CCDC85C: variants seen among roughly 807,000 people sequenced by gnomAD.
The protein encoded by CCDC85C is coiled-coil domain containing 85C.
A neutral mutation model predicts 38.3 loss-of-function variants in CCDC85C; 18 were observed. The ratio of observed to expected loss-of-function variants is 0.47; its 90% CI spans 0.33 to 0.70. The LOEUF (loss-of-function observed/expected upper bound fraction) is 0.70, where lower values mean the gene tolerates loss of function less well. CCDC85C is among the 30% of genes least tolerant of loss of function. CCDC85C has a pLI of 0.03. For synonymous variants in CCDC85C, 264 were observed against 293.8 expected (o/e 0.90, Z 1.04); for missense variants, 566 against 621.2 (o/e 0.91, Z 0.94).
At chr14:99,565,077 T>C (rs1364873794) in intron 1 of CCDC85C, among the ~76,000 whole-genome samples, 1 of 152,118 alleles carries the variant, frequency 6.6e-6, no homozygotes, top group Non-Finnish European at 1.5e-5. Context: ...CACTTGGCTT[T>C]TAGTCATGGG....
In CCDC85C at chr14:99,534,916, G is replaced by A. The variant is rs577336438; in HGVS notation, c.867+1099C>T. 1,419 of 584,406 alleles carry A rather than the reference G, an allele frequency of 2.4e-3. 9 individuals carry two copies. The highest frequency in any genetic ancestry group is 0.023 in the African/African-American group (1,218 of 52,104). 36.2% of individuals were successfully genotyped at this position (584,406 alleles called of 1,614,324 possible). On this transcript the variant is annotated intron_variant, in intron 2 of 5. Coordinates refer to ENST00000380243, the MANE Select transcript of CCDC85C (RefSeq NM_001144995.2). ...ACTTGCGCCTGTATGGTGGTGGGGA[G>A]TGGGGGGCGGGGTGTGGAGGAGAGT...
intron 1 of CCDC85C, among the ~76,000 whole-genome samples, chr14:99,565,763 G>A (rs1013969882): frequency 3.3e-5 from 5 of 152,174 alleles, no homozygotes; most frequent in Non-Finnish European, 7.3e-5. Flanking sequence ...AGAGTCTATA[G>A]TGGACACCCC....
chr14:99,527,896 G>A (rs1010663583), intron 2 of CCDC85C, among the ~76,000 whole-genome samples: 1 of 152,254 alleles, frequency 6.6e-6, no homozygotes, highest in Non-Finnish European at 1.5e-5. Context: ...GCAGAGGCGG[G>A]AGGACCCCGG....
At chr14:99,527,296 A>C (rs1008998920) in intron 2 of CCDC85C, among the ~76,000 whole-genome samples, 6 of 152,160 alleles carry the variant, frequency 3.9e-5, no homozygotes, top group Admixed American at 2.6e-4. Flanking sequence ...GGGCTGGCAC[A>C]CAGTTGGTCA....
At chr14:99,562,761 G>C (rs78358218) in intron 1 of CCDC85C, among the ~76,000 whole-genome samples, 1,785 of 32,016 alleles carry the variant, frequency 0.056, 15 homozygotes, top group Non-Finnish European at 0.068. Flanking sequence ...ATGCACACAC[G>C]TGTGTACAAA....
At chr14:99,525,021 CA>C (rs1897356912) in intron 2 of CCDC85C, among the ~76,000 whole-genome samples, 2 of 152,370 alleles carry the variant, frequency 1.3e-5, no homozygotes, top group South Asian at 4.1e-4. Context: ...CCACCCTGGC[CA>C]GGCCCAATCC....
chr14:99,522,012 C>A, intron 3 of CCDC85C, 121 bp downstream of exon 3: 1 of 730,220 alleles, frequency 1.4e-6, no homozygotes, highest in Non-Finnish European at 2.3e-6. Flanking sequence ...GGACACAGGG[C>A]CTAGGGCTGG....
At chr14:99,559,550 T>C (rs1002520451) in intron 1 of CCDC85C, among the ~76,000 whole-genome samples, 4 of 152,144 alleles carry the variant, frequency 2.6e-5, no homozygotes, top group East Asian at 1.9e-4. Context: ...GTGACTTCCA[T>C]TGAGGTAACT....
Position 99,501,202 on chromosome 14 carries a change from G to A in CCDC85C, c.*14044C>T. 1.6e-6 allele frequency: 1 copy of A among 641,460 alleles called. No individual in the cohort carries two copies. The highest frequency in any genetic ancestry group is 2.8e-6 in the Non-Finnish European group (1 of 359,072). 39.7% of individuals were successfully genotyped at this position (641,460 alleles called of 1,614,324 possible). A position where few individuals can be genotyped will look rare whatever the true frequency, so the allele number is the denominator to read the frequency against. ...CATGAGGAGGAAGAAGGGGTAGGAT[G>A]TGGACCCACATCATTCATCCTTGTT... On this transcript the variant is annotated 3_prime_UTR_variant, in exon 6 of 6. Transcript: ENST00000380243.
At chr14:99,570,999 C>T (rs1191055942) in intron 1 of CCDC85C, among the ~76,000 whole-genome samples, 8 of 152,256 alleles carry the variant, frequency 5.3e-5, no homozygotes, top group Admixed American at 2.6e-4. Flanking sequence ...ACAAAGTCAG[C>T]CCTGGAGCTT....
rs1485294820 is a variant in CCDC85C at position 99,503,122 on chromosome 14, T to C, written c.*12124A>G. ...TCGCCGAAACTCGCAGTCCGACTGC[T>C]TGTCGGTGGGGAGCCTGAAAACAAA... On this transcript the variant is annotated 3_prime_UTR_variant, in exon 6 of 6. Transcript: ENST00000380243. The C allele has an allele frequency of 1.0e-6, 1 of 993,696 alleles. No individual in the cohort carries two copies. The highest frequency in any genetic ancestry group is 2.4e-5 in the East Asian group (1 of 41,252). The allele number at this position is 993,696 out of a possible 1,614,324, so 61.6% of individuals were successfully genotyped here. A position where few individuals can be genotyped will look rare whatever the true frequency, so the allele number is the denominator to read the frequency against.
chr14:99,530,262 A>G (rs1313717849), intron 2 of CCDC85C, among the ~76,000 whole-genome samples: 2 of 152,196 alleles, frequency 1.3e-5, no homozygotes, highest in Non-Finnish European at 2.9e-5. Context: ...CTCCCTGGGC[A>G]AGGGAGAGGC....
At chr14:99,515,366 G>T in intron 5 of CCDC85C, 31 bp from the exon 6 acceptor site, 1 of 1,487,630 alleles carries the variant, frequency 6.7e-7, no homozygotes, top group South Asian at 1.2e-5. Context: ...TGAGTGGTGG[G>T]ACTCACCCGC....
intron 1 of CCDC85C, among the ~76,000 whole-genome samples, chr14:99,599,801 G>C (rs563388338): frequency 6.6e-6 from 1 of 152,312 alleles, no homozygotes; most frequent in East Asian, 1.9e-4. Flanking sequence ...CTTGAGCCCA[G>C]GAGGTTGAGG....
Position 99,569,749 on chromosome 14 carries a change from C to T in CCDC85C, c.793+33418G>A, listed in dbSNP as rs1440553608. Among the ~76,000 whole-genome samples, 1 of 152,164 alleles carries T rather than the reference C, an allele frequency of 6.6e-6. No individual in the cohort carries two copies. Among genetic ancestry groups the T allele is most frequent in the Non-Finnish European group, 1.5e-5 (1 of 68,030 alleles). On this transcript the variant is annotated intron_variant, in intron 1 of 5. Transcript: ENST00000380243. The surrounding 1 kb of genome is among the most constrained non-coding windows in gnomAD (Gnocchi z 4.3). The stretch of plus-strand genomic sequence containing the variant: ...TGTCACACACCCCACATTTCAGGTG[C>T]AATGCTCCAAGGCGACGCAGGGAGG...
At chr14:99,586,937 C>T (rs559828781) in intron 1 of CCDC85C, among the ~76,000 whole-genome samples, 11 of 152,336 alleles carry the variant, frequency 7.2e-5, no homozygotes, top group East Asian at 3.9e-4. Flanking sequence ...GCGGCACTCC[C>T]GCGCTCACAG....
rs1897783046 is a variant in CCDC85C at position 99,545,121 on chromosome 14, G to C, written c.794-9033C>G. Among the ~76,000 whole-genome samples, 1 of 152,208 alleles carries C rather than the reference G, an allele frequency of 6.6e-6. No homozygotes were observed. The highest frequency in any genetic ancestry group is 1.5e-5 in the Non-Finnish European group (1 of 68,030). On this transcript the variant is annotated intron_variant, in intron 1 of 5. Transcript: ENST00000380243. The surrounding 1 kb of genome is among the most constrained non-coding windows in gnomAD (Gnocchi z 4.7). ...GGTGCTGGCCGGTCAGCCTTCCCCA[G>C]TGAGTGCACGCCTGTCCTCTCAGTG...
intron 2 of CCDC85C, among the ~76,000 whole-genome samples, chr14:99,528,051 AC>A (rs1293542423): frequency 6.6e-6 from 1 of 151,964 alleles, no homozygotes; most frequent in Non-Finnish European, 1.5e-5. Flanking sequence ...TCCCAAGAAG[AC>A]TCTAAAGGCA....
chr14:99,555,521 T>C (rs1897993785), intron 1 of CCDC85C, among the ~76,000 whole-genome samples: 1 of 152,064 alleles, frequency 6.6e-6, no homozygotes, highest in Admixed American at 6.5e-5. Context: ...GTGGCAATAA[T>C]GATAATAAGA....
Sources: allele counts gnomAD v4.1 joint callset (sites outside exome capture counted in the v4.1 genomes callset), GRCh38; gene constraint gnomAD v4.1.1; non-coding constraint Gnocchi (gnomAD v3.1); transcripts MANE v1.5; gene names NCBI Gene and HGNC (gene_info 2026-07-23, HGNC 2026-07-21).